Variants in PLCL2 observed in about 807,000 individuals in gnomAD.
PLCL2 encodes the protein phospholipase C like 2, also known as inactive phospholipase C-like protein 2.
PLCL2 carries 4 observed loss-of-function variants against 79.6 expected under a neutral mutation model. That is an observed-to-expected ratio of 0.05 (90% CI 0.02 to 0.11). PLCL2 has a LOEUF of 0.11. Ranked by LOEUF, PLCL2 falls within the 10% of genes least tolerant of loss-of-function variation. PLCL2 has a pLI of 1.00. For missense variants in PLCL2, 895 were observed against 1,291.0 expected (o/e 0.69, Z 4.70); for synonymous variants, 484 against 457.7 (o/e 1.06, Z -0.73).
chr3:17,078,430 A>G (rs6807453), intron 5 of PLCL2, among the ~76,000 whole-genome samples: 218 of 148,928 alleles, frequency 1.5e-3, no homozygotes, highest in African/African-American at 5.1e-3. Flanking sequence ...GCTGGATCTC[A>G]TCTGGGGTGG....
chr3:17,046,964 T>TCC (rs1173513890), intron 4 of PLCL2, among the ~76,000 whole-genome samples: 1 of 152,150 alleles, frequency 6.6e-6, no homozygotes, highest in Non-Finnish European at 1.5e-5. Context: ...ATTCTCATTC[T>TCC]CCATATGGGG....
At chr3:16,920,953 A>G (rs1697112527) in intron 1 of PLCL2, among the ~76,000 whole-genome samples, 1 of 152,158 alleles carries the variant, frequency 6.6e-6, no homozygotes, top group Non-Finnish European at 1.5e-5. Flanking sequence ...ATTATTTCTC[A>G]TTTCAATGAA....
intron 3 of PLCL2, among the ~76,000 whole-genome samples, chr3:17,039,482 A>G (rs12497667): frequency 0.59 from 90,143 of 152,116 alleles, 27,165 homozygotes; most frequent in African/African-American, 0.7. Flanking sequence ...AGATTAATAT[A>G]TGCCTGTTAA....
At chr3:16,902,765 T>C (rs1044498306) in intron 1 of PLCL2, among the ~76,000 whole-genome samples, 1 of 149,146 alleles carries the variant, frequency 6.7e-6, no homozygotes, top group Non-Finnish European at 1.5e-5. Context: ...AGGCAGAGGT[T>C]ATAGTGAGCT....
At chr3:16,971,921 A>G (rs1038320847) in intron 1 of PLCL2, among the ~76,000 whole-genome samples, 1 of 152,206 alleles carries the variant, frequency 6.6e-6, no homozygotes, top group Non-Finnish European at 1.5e-5. Context: ...AGAACCAAAG[A>G]CAAAAACCAC....
chr3:16,923,472 C>T (rs1296175259), intron 1 of PLCL2, among the ~76,000 whole-genome samples: 1 of 152,182 alleles, frequency 6.6e-6, no homozygotes, highest in Non-Finnish European at 1.5e-5. Flanking sequence ...TTGCCCTCTT[C>T]AGGGTCTTTA....
chr3:16,903,146 C>G (rs920651979), intron 1 of PLCL2, among the ~76,000 whole-genome samples: 9 of 152,144 alleles, frequency 5.9e-5, no homozygotes, highest in African/African-American at 1.9e-4. Flanking sequence ...TCAGGTGAAG[C>G]AATTATTTTC....
intron 1 of PLCL2, among the ~76,000 whole-genome samples, chr3:16,957,435 T>A (rs897149338): frequency 4.6e-5 from 7 of 152,022 alleles, no homozygotes; most frequent in African/African-American, 7.3e-5. Flanking sequence ...TGCTGAGGAG[T>A]GCTTTACTTC....
chr3:16,902,614 G>T (rs914832017), intron 1 of PLCL2, among the ~76,000 whole-genome samples: 1 of 152,098 alleles, frequency 6.6e-6, no homozygotes, highest in Non-Finnish European at 1.5e-5. Context: ...ATCACTGAAG[G>T]TCAGGGGTTT....
At chr3:16,988,104 A>C (rs117914943) in intron 1 of PLCL2, among the ~76,000 whole-genome samples, 3 of 152,156 alleles carry the variant, frequency 2.0e-5, no homozygotes, top group Non-Finnish European at 2.9e-5. Context: ...TTGTAGTCCA[A>C]TGAAGATTTT....
intron 1 of PLCL2, among the ~76,000 whole-genome samples, chr3:16,960,341 C>T (rs750785358): frequency 3.9e-5 from 6 of 152,226 alleles, no homozygotes; most frequent in Admixed American, 6.5e-5. Flanking sequence ...CCTCGCCTGG[C>T]CTTCTGCCTG....
intron 1 of PLCL2, among the ~76,000 whole-genome samples, chr3:16,891,352 C>G (rs771968222): frequency 6.6e-6 from 1 of 152,288 alleles, no homozygotes; most frequent in East Asian, 1.9e-4. Flanking sequence ...TGTGTGGCAC[C>G]TAATAAGCAT....
At chr3:17,006,137 A>C (rs1474358028) in intron 1 of PLCL2, among the ~76,000 whole-genome samples, 1 of 152,180 alleles carries the variant, frequency 6.6e-6, no homozygotes, top group Non-Finnish European at 1.5e-5. Context: ...ATTTAGTTTA[A>C]ACTAACTTGC....
At chr3:17,081,588 A>T in intron 5 of PLCL2, 1 of 183,250 alleles carries the variant, frequency 5.5e-6, no homozygotes, top group Non-Finnish European at 1.1e-5. Flanking sequence ...GTGTCTTGAA[A>T]TATTTTTAAT....
chr3:17,016,888 C>A (rs916644007), intron 3 of PLCL2, among the ~76,000 whole-genome samples: 1 of 152,196 alleles, frequency 6.6e-6, no homozygotes, highest in East Asian at 1.9e-4. Flanking sequence ...GACAGTCATA[C>A]AGTGACATTT....
chr3:16,896,254 G>C (rs922989637), intron 1 of PLCL2, among the ~76,000 whole-genome samples: 5 of 152,088 alleles, frequency 3.3e-5, no homozygotes, highest in Non-Finnish European at 7.4e-5. Context: ...GTGGACACTT[G>C]TACGTGGTGA....
chr3:16,970,058 A>ATATATTTT (rs1553640074), intron 1 of PLCL2, among the ~76,000 whole-genome samples: 2 of 145,764 alleles, frequency 1.4e-5, no homozygotes, highest in African/African-American at 4.9e-5. Flanking sequence ...ATATATATAT[A>ATATATTTT]TTTTATTTTA....
chr3:16,894,432 A>G (rs1472757003), intron 1 of PLCL2, among the ~76,000 whole-genome samples: 1 of 152,212 alleles, frequency 6.6e-6, no homozygotes, highest in African/African-American at 2.4e-5. Context: ...ATAATTTTCT[A>G]TACATTAAAA....
chr3:17,027,805 T>C (rs1476287617), intron 3 of PLCL2, among the ~76,000 whole-genome samples: 1 of 152,096 alleles, frequency 6.6e-6, no homozygotes, highest in African/African-American at 2.4e-5. Context: ...CTGAATATGG[T>C]TCTACTAATT....
Sources: allele counts gnomAD v4.1 joint callset (sites outside exome capture counted in the v4.1 genomes callset), GRCh38; gene constraint gnomAD v4.1.1; transcripts MANE v1.5; gene names NCBI Gene and HGNC (gene_info 2026-07-23, HGNC 2026-07-21).